Variants in RBFOX1 observed in about 807,000 individuals in gnomAD.
The protein encoded by RBFOX1 is RNA binding protein fox-1 homolog 1.
RBFOX1 carries 8 observed loss-of-function variants against 57.7 expected under a neutral mutation model. The ratio of observed to expected loss-of-function variants is 0.14; its 90% CI spans 0.08 to 0.25. RBFOX1 has a LOEUF of 0.25. Ranked by LOEUF, RBFOX1 falls within the 10% of genes least tolerant of loss-of-function variation. The pLI is 1.00. For missense variants in RBFOX1, 611 were observed against 548.5 expected, an observed-to-expected ratio of 1.11 and a Z score of -1.14; for synonymous variants, 326 against 222.4, an observed-to-expected ratio of 1.47 and a Z score of -4.15.
chr16:7,629,265 C>A (rs1356126002), intron 10 of RBFOX1, among the ~76,000 whole-genome samples: 1 of 152,166 alleles, frequency 6.6e-6, no homozygotes, highest in Non-Finnish European at 1.5e-5. Context: ...GATGACATCA[C>A]CGTGCAGTCC....
At chr16:7,186,558 GCTTAAACA>G (rs2083873890) in intron 4 of RBFOX1, among the ~76,000 whole-genome samples, 1 of 53,460 alleles carries the variant, frequency 1.9e-5, no homozygotes, top group Non-Finnish European at 4.6e-5. Context: ...ATAAATATAA[GCTTAAACA>G]TATTTATATA....
At chr16:6,467,820 C>G (rs1350489159) in intron 2 of RBFOX1, among the ~76,000 whole-genome samples, 1 of 152,140 alleles carries the variant, frequency 6.6e-6, no homozygotes, top group Admixed American at 6.6e-5. Flanking sequence ...AATTATAACA[C>G]TACTCAAAAG....
At chr16:6,888,572 A>T (rs2064685723) in intron 3 of RBFOX1, among the ~76,000 whole-genome samples, 2 of 151,974 alleles carry the variant, frequency 1.3e-5, no homozygotes, top group African/African-American at 4.8e-5. Flanking sequence ...TCTGGGTAAA[A>T]TATTGTGTCC....
chr16:7,005,805 C>G (rs565778637), intron 3 of RBFOX1, among the ~76,000 whole-genome samples: 34 of 152,322 alleles, frequency 2.2e-4, no homozygotes, highest in African/African-American at 8.2e-4. Context: ...TCTTCTTTTT[C>G]TGGCTCACAT....
At chr16:7,021,210 G>T (rs568352734) in intron 3 of RBFOX1, among the ~76,000 whole-genome samples, 1 of 152,036 alleles carries the variant, frequency 6.6e-6, no homozygotes, top group South Asian at 2.1e-4. Flanking sequence ...GTTAGTTGCT[G>T]AGTAAATTGT....
chr16:5,385,202 G>T (rs1037242528), intron 1 of RBFOX1, among the ~76,000 whole-genome samples: 4 of 152,100 alleles, frequency 2.6e-5, no homozygotes, highest in Non-Finnish European at 5.9e-5. Context: ...ACCCTGCAGG[G>T]TTACACACTG....
At chr16:7,343,782 GACCTTGGAT>G (rs2096941667) in intron 4 of RBFOX1, among the ~76,000 whole-genome samples, 1 of 152,020 alleles carries the variant, frequency 6.6e-6, no homozygotes, top group African/African-American at 2.4e-5. Context: ...CCACCTCTGG[GACCTTGGAT>G]GCCATTTGCT....
downstream of RBFOX1, among the ~76,000 whole-genome samples, chr16:5,603,844 T>A (rs569600876): frequency 6.6e-6 from 1 of 152,348 alleles, no homozygotes; most frequent in East Asian, 1.9e-4. Context: ...CTGGAGCAAA[T>A]GCATCCTGAA....
At chr16:7,157,674 C>A (rs956471733) in intron 4 of RBFOX1, among the ~76,000 whole-genome samples, 1 of 152,156 alleles carries the variant, frequency 6.6e-6, no homozygotes, top group Non-Finnish European at 1.5e-5. Context: ...TATCTCTACA[C>A]GCCATAGCCA....
chr16:5,972,841 G>A (rs925355717), intron 4 of RBFOX1, among the ~76,000 whole-genome samples: 1 of 152,212 alleles, frequency 6.6e-6, no homozygotes, highest in Non-Finnish European at 1.5e-5. Context: ...CTTAGTAGCA[G>A]GGGAGGTAAA....
rs371021950 is a variant in RBFOX1, at chr16:5,734,225, A to C, written c.319-133078A>C. ...ATGCCTGCAATCTTAGCGCTTTGAG[A>C]GGCTGAGGTGGGAGTATCACTTGAG... is the stretch of plus-strand genomic sequence containing the variant. On this transcript the variant is annotated intron_variant, in intron 3 of 19. Coordinates refer to the RBFOX1 transcript ENST00000641259. Among the ~76,000 whole-genome samples the C allele has an allele frequency of 2.2e-4, 34 of 152,210 alleles. No homozygotes were observed. In the East Asian group the frequency reaches 6.6e-3, roughly 29 times the overall value.
At chr16:6,873,105 G>C (rs1269206969) in intron 3 of RBFOX1, among the ~76,000 whole-genome samples, 1 of 150,424 alleles carries the variant, frequency 6.6e-6, no homozygotes. Context: ...TTTCTTACTT[G>C]AGAAACTTTT....
intron 3 of RBFOX1, among the ~76,000 whole-genome samples, chr16:5,748,253 T>C (rs1311652505): frequency 3.3e-5 from 5 of 152,142 alleles, no homozygotes; most frequent in Admixed American, 3.3e-4. Flanking sequence ...TTTGTTATAA[T>C]TTCTGTTCTT....
intron 4 of RBFOX1, among the ~76,000 whole-genome samples, chr16:5,952,197 C>T (rs1008564946): frequency 1.1e-4 from 16 of 151,268 alleles, no homozygotes; most frequent in African/African-American, 3.9e-4. Context: ...GTTTCCCTGG[C>T]TGGAGTGCAG....
At chr16:6,911,919 C>T (rs899244422) in intron 3 of RBFOX1, among the ~76,000 whole-genome samples, 1 of 152,090 alleles carries the variant, frequency 6.6e-6, no homozygotes, top group Non-Finnish European at 1.5e-5. Context: ...ATAGAAGACA[C>T]AGTGTAAGAT....
chr16:5,298,316 GT>G (rs2063717668), intron 1 of RBFOX1, among the ~76,000 whole-genome samples: 1 of 152,126 alleles, frequency 6.6e-6, no homozygotes, highest in African/African-American at 2.4e-5. Flanking sequence ...ACAAGAGACT[GT>G]ATTTAATTTT....
Position 7,420,936 on chromosome 16 carries a change from T to C in RBFOX1, c.28-97211T>C, listed in dbSNP as rs576912607. Among the ~76,000 whole-genome samples the C allele has an allele frequency of 2.7e-3, 392 of 144,302 alleles. 2 individuals are homozygous for C. Among genetic ancestry groups the C allele is most frequent in the East Asian group, 6.7e-3 (34 of 5,082 alleles). The allele number at this position is 144,302 out of a possible 152,430, so 94.7% of individuals were successfully genotyped here. ...ACATATATATATATACACATATATA[T>C]ATACACACACACACACACACACACA... On this transcript the variant is annotated intron_variant, in intron 4 of 15. Coordinates refer to ENST00000550418, the MANE Select transcript of RBFOX1 (RefSeq NM_018723.4).
chr16:7,668,660 G>A (rs1215929273), intron 13 of RBFOX1, among the ~76,000 whole-genome samples: 1 of 116,202 alleles, frequency 8.6e-6, no homozygotes, highest in Non-Finnish European at 2.0e-5. Flanking sequence ...GAACAGAACA[G>A]AACACACACA....
At chr16:6,021,356 G>GA (rs1006596123) in intron 1 of RBFOX1, among the ~76,000 whole-genome samples, 5 of 151,882 alleles carry the variant, frequency 3.3e-5, no homozygotes, top group Admixed American at 6.6e-5. Context: ...ACAAAAGAGA[G>GA]AAAAAAAAGA....
Sources: gnomAD v4.1 joint callset for allele counts (sites outside exome capture counted in the v4.1 genomes callset) on GRCh38, gnomAD v4.1.1 for gene constraint, MANE v1.5 for transcripts, NCBI Gene and HGNC (gene_info 2026-07-23, HGNC 2026-07-21) for gene names.